ZNF704: variants seen among roughly 807,000 people sequenced by gnomAD.
The protein encoded by ZNF704 is zinc finger protein 704.
In ZNF704, 10 loss-of-function variants were observed where a neutral mutation model predicts 44.7. That is an observed-to-expected ratio of 0.22 (90% CI 0.14 to 0.38). The LOEUF (loss-of-function observed/expected upper bound fraction) is 0.38, where lower values mean the gene tolerates loss of function less well. Among genes scored for constraint, ZNF704 ranks in the 10% least tolerant of loss-of-function variants. The probability of loss-of-function intolerance (pLI) is 1.00; values close to 1 mark genes in which losing one functional copy is unlikely to be tolerated. For synonymous variants in ZNF704, 211 were observed against 207.6 expected, an observed-to-expected ratio of 1.02 and a Z score of -0.14; for missense variants, 390 against 545.5, an observed-to-expected ratio of 0.71 and a Z score of 2.84.
intron 2 of ZNF704, among the ~76,000 whole-genome samples, chr8:80,718,976 T>C (rs1819119023): frequency 1.3e-5 from 2 of 152,090 alleles, no homozygotes; most frequent in Admixed American, 1.3e-4. Context: ...TTTTTTTCTT[T>C]TTTTTTGAGA....
chr8:80,794,107 G>A (rs1320577064), intron 2 of ZNF704, among the ~76,000 whole-genome samples: 3 of 151,804 alleles, frequency 2.0e-5, no homozygotes, highest in Non-Finnish European at 4.4e-5. Flanking sequence ...AAAATTAAGA[G>A]GTAACAAAGC....
intron 1 of ZNF704, among the ~76,000 whole-genome samples, chr8:80,848,763 A>G (rs1466213087): frequency 6.6e-6 from 1 of 151,786 alleles, no homozygotes; most frequent in Non-Finnish European, 1.5e-5. Context: ...ATGGAGTGAG[A>G]CCCTGTCTCA....
At chr8:80,691,418 C>T (rs746154226) in intron 3 of ZNF704, among the ~76,000 whole-genome samples, 10 of 152,186 alleles carry the variant, frequency 6.6e-5, no homozygotes, top group East Asian at 1.9e-4. Context: ...CTTTTTAATG[C>T]GTGACCTTCT....
At chr8:80,767,401 A>G (rs1807245772) in intron 2 of ZNF704, among the ~76,000 whole-genome samples, 1 of 151,974 alleles carries the variant, frequency 6.6e-6, no homozygotes, top group Non-Finnish European at 1.5e-5. Context: ...TCCCTCCTCT[A>G]CACTCTGGTT....
intron 1 of ZNF704, among the ~76,000 whole-genome samples, chr8:80,871,436 A>G (rs1809250644): frequency 6.6e-6 from 1 of 152,128 alleles, no homozygotes; most frequent in Non-Finnish European, 1.5e-5. Context: ...TCTCAGGTCA[A>G]ATGTTCCCTC....
chr8:80,740,715 C>A (rs1806742237), intron 2 of ZNF704, among the ~76,000 whole-genome samples: 1 of 152,164 alleles, frequency 6.6e-6, no homozygotes. Context: ...CTGTACATCC[C>A]AACTCTCAAT....
upstream of ZNF704, among the ~76,000 whole-genome samples, chr8:80,879,719 G>T (rs1809400996): frequency 6.6e-6 from 1 of 152,144 alleles, no homozygotes; most frequent in Non-Finnish European, 1.5e-5. Context: ...TAACAGCCAT[G>T]AACCAAGTAG....
chr8:80,815,408 G>A, intron 2 of ZNF704, among the ~76,000 whole-genome samples: 1 of 152,184 alleles, frequency 6.6e-6, no homozygotes, highest in East Asian at 1.9e-4. Context: ...TGATGTTTGG[G>A]TGAAATCCAA....
At chr8:80,808,961 G>A (rs749728988) in intron 2 of ZNF704, among the ~76,000 whole-genome samples, 3 of 152,128 alleles carry the variant, frequency 2.0e-5, no homozygotes, top group South Asian at 2.1e-4. Context: ...AATCAATCCC[G>A]AAGAACAAAA....
rs112195344 is a variant in ZNF704 at position 80,682,593 on chromosome 8, A to G, written c.558+4633T>C. 6.2e-3 allele frequency among the ~76,000 whole-genome samples: 939 copies of G among 152,236 alleles called. 3 individuals carry two copies. Among genetic ancestry groups the G allele is most frequent in the Middle Eastern group, 0.02 (6 of 294 alleles). On this transcript the variant is annotated intron_variant, in intron 4 of 8. Coordinates refer to ENST00000327835, the MANE Select transcript of ZNF704 (RefSeq NM_001033723.3). Reference sequence around the variant, plus strand: ...CAATTGAGCACAGGGTGGCTGAGGGATCTGGAGTTATCCTGAGCCACTGTG... The same window carrying G: ...CAATTGAGCACAGGGTGGCTGAGGGGTCTGGAGTTATCCTGAGCCACTGTG...
chr8:80,675,310 A>C (rs1353156549), intron 4 of ZNF704, among the ~76,000 whole-genome samples: 2 of 152,192 alleles, frequency 1.3e-5, no homozygotes, highest in East Asian at 3.8e-4. Flanking sequence ...GTGTGTTTAG[A>C]ATGAAATGTG....
chr8:80,710,598 T>C (rs954232474), intron 2 of ZNF704, among the ~76,000 whole-genome samples: 3 of 152,118 alleles, frequency 2.0e-5, no homozygotes, highest in African/African-American at 7.2e-5. Flanking sequence ...GTCATGAAGG[T>C]AGAGCCCCCA....
At chr8:80,742,212 G>T (rs1806771956) in intron 2 of ZNF704, among the ~76,000 whole-genome samples, 1 of 152,118 alleles carries the variant, frequency 6.6e-6, no homozygotes, top group Non-Finnish European at 1.5e-5. Context: ...TGCAAGGCGG[G>T]ACCCTCCATT....
At chr8:80,642,898 T>TG (rs1431271204) in intron 8 of ZNF704, 137 bp downstream of exon 8, 4 of 495,920 alleles carry the variant, frequency 8.1e-6, no homozygotes, top group Non-Finnish European at 1.3e-5. Flanking sequence ...GTAAAAACCA[T>TG]GGGAAAAAAA....
At chr8:80,797,226 C>A (rs1807821177) in intron 2 of ZNF704, among the ~76,000 whole-genome samples, 1 of 152,192 alleles carries the variant, frequency 6.6e-6, no homozygotes, top group Admixed American at 6.5e-5. Flanking sequence ...GCTGGCACTG[C>A]ACACAGGTAG....
At chr8:80,736,843 G>A (rs937292766) in intron 2 of ZNF704, among the ~76,000 whole-genome samples, 6 of 151,662 alleles carry the variant, frequency 4.0e-5, no homozygotes, top group African/African-American at 1.5e-4. Context: ...AAAACCTACT[G>A]AAATAAAAAA....
intron 3 of ZNF704, 32 bp from the exon 4 acceptor site, chr8:80,687,490 A>G: frequency 6.9e-7 from 1 of 1,451,438 alleles, no homozygotes; most frequent in East Asian, 2.5e-5. Context: ...CAGTGCCAGG[A>G]CCCCTGCGTG....
At chr8:80,702,483 A>C (rs964240577) in intron 2 of ZNF704, among the ~76,000 whole-genome samples, 1 of 152,110 alleles carries the variant, frequency 6.6e-6, no homozygotes, top group Admixed American at 6.5e-5. Context: ...GGAGTGTGAG[A>C]GGAGGCTGCT....
In ZNF704 at chr8:80,635,340, G is replaced by A. The variant is rs1484951031; in HGVS notation, c.*6026C>T. On this transcript the variant is annotated 3_prime_UTR_variant, in exon 9 of 9. Coordinates refer to ENST00000327835, the MANE Select transcript of ZNF704 (RefSeq NM_001033723.3). ...TCACTTTCTGATCACAACCTCATGT[G>A]CCTGCTAGTTCTTCACAGTGAAAAA... 1 of 152,114 alleles carries A rather than the reference G, an allele frequency of 6.6e-6. No individual in the cohort carries two copies. Among genetic ancestry groups the A allele is most frequent in the Admixed American group, 6.6e-5 (1 of 15,266 alleles). 9.4% of individuals were successfully genotyped at this position (152,114 alleles called of 1,614,324 possible). A position where few individuals can be genotyped will look rare whatever the true frequency, so the allele number is the denominator to read the frequency against.
Sources: allele counts gnomAD v4.1 joint callset (sites outside exome capture counted in the v4.1 genomes callset), GRCh38; gene constraint gnomAD v4.1.1; transcripts MANE v1.5; gene names NCBI Gene and HGNC (gene_info 2026-07-23, HGNC 2026-07-21).